The following MEMO1 variants were observed in gnomAD, a reference collection of about 807,000 sequenced individuals.
The protein encoded by MEMO1 is protein MEMO1.
Under a neutral mutation model 45.2 loss-of-function variants are expected in MEMO1, and 6 were observed. The ratio of observed to expected loss-of-function variants is 0.13; its 90% CI spans 0.07 to 0.26. The LOEUF is 0.26. Ranked by LOEUF, MEMO1 falls within the 10% of genes least tolerant of loss-of-function variation. MEMO1 has a pLI of 1.00. For missense variants in MEMO1, 184 were observed against 370.5 expected (o/e 0.50, Z 4.13); for synonymous variants, 78 against 124.3 (o/e 0.63, Z 2.48).
chr2:31,941,222 G>A (rs921388779), intron 3 of MEMO1, among the ~76,000 whole-genome samples: 1 of 152,044 alleles, frequency 6.6e-6, no homozygotes, highest in African/African-American at 2.4e-5. Context: ...AGCTGCACTG[G>A]CCTCCTTGCT....
chr2:32,006,831 G>T (rs546046738), intron 2 of MEMO1, among the ~76,000 whole-genome samples: 1 of 152,164 alleles, frequency 6.6e-6, no homozygotes, highest in East Asian at 1.9e-4. Context: ...CAGGCATGGT[G>T]GCGGGGGCCT....
At chr2:31,977,147 C>A (rs1304683102) in intron 2 of MEMO1, among the ~76,000 whole-genome samples, 1 of 151,962 alleles carries the variant, frequency 6.6e-6, no homozygotes, top group Non-Finnish European at 1.5e-5. Context: ...CAGAAAGAAG[C>A]CATGAACAAA....
At chr2:31,996,889 C>A (rs766301212) in intron 2 of MEMO1, among the ~76,000 whole-genome samples, 3 of 152,092 alleles carry the variant, frequency 2.0e-5, no homozygotes, top group Non-Finnish European at 4.4e-5. Flanking sequence ...AACTACTATG[C>A]CCAGCAGAGA....
rs1273367737 is a variant in MEMO1 at position 31,969,586 on chromosome 2, G to GGTGGGTGTGT, written c.62-26204_62-26203insACACACCCAC. On this transcript the variant is annotated intron_variant, in intron 2 of 9. Coordinates refer to ENST00000404530, the MANE Select transcript of MEMO1 (RefSeq NM_001301833.4). Reference sequence around the variant, plus strand: ...AATCTTTTCTGGGGGTGTGTGTGTGGGTGTGTGTGTGTGTGTGTGTGTGTG... The same window carrying GGTGGGTGTGT: ...AATCTTTTCTGGGGGTGTGTGTGTGGGTGGGTGTGTGTGTGTGTGTGTGTGTGTGTGTGTG... Among the ~76,000 whole-genome samples, 11 of 119,264 alleles carry GGTGGGTGTGT rather than the reference G, an allele frequency of 9.2e-5. No homozygotes were observed. In the East Asian group the frequency reaches 2.2e-3, roughly 24 times the overall value. 78.2% of individuals were successfully genotyped at this position (119,264 alleles called of 152,430 possible).
intron 7 of MEMO1, among the ~76,000 whole-genome samples, chr2:31,891,408 T>C (rs896893556): frequency 2.6e-5 from 4 of 152,076 alleles, no homozygotes; most frequent in Non-Finnish European, 4.4e-5. Flanking sequence ...TCCTTGCTCT[T>C]ACAATAATCA....
At chr2:31,915,408 T>C (rs1226693343) in intron 6 of MEMO1, among the ~76,000 whole-genome samples, 1 of 152,052 alleles carries the variant, frequency 6.6e-6, no homozygotes, top group Non-Finnish European at 1.5e-5. Context: ...AGAGGAGCAA[T>C]ATATTGCTTT....
At chr2:31,951,523 T>TC (rs1219962368) in intron 2 of MEMO1, among the ~76,000 whole-genome samples, 1 of 151,888 alleles carries the variant, frequency 6.6e-6, no homozygotes, top group Admixed American at 6.6e-5. Flanking sequence ...AATGGTTTTT[T>TC]TTTTTTTTTA....
intron 6 of MEMO1, among the ~76,000 whole-genome samples, chr2:31,904,075 G>T (rs1558490923): frequency 1.3e-5 from 2 of 152,224 alleles, no homozygotes; most frequent in Non-Finnish European, 2.9e-5. Flanking sequence ...GCATTTCAGA[G>T]AGTCAAAAAT....
chr2:31,902,573 G>GA lies in MEMO1; in HGVS notation c.438-10440dup, dbSNP rs1274871070. Reference sequence around the variant, plus strand: ...TCAATTTTGCCATCTGAAAAAAACAGAAAAAACAGTTAATAATACCTCACC... The same window carrying GA: ...TCAATTTTGCCATCTGAAAAAAACAGAAAAAAACAGTTAATAATACCTCACC... On this transcript the variant is annotated intron_variant, in intron 6 of 9. Transcript: ENST00000404530. Among the ~76,000 whole-genome samples the GA allele has an allele frequency of 2.6e-5, 4 of 152,038 alleles. No individual in the cohort carries two copies. The East Asian group carries it at 7.7e-4, about 29-fold the overall frequency.
At chr2:31,947,310 G>T (rs1269858695) in intron 2 of MEMO1, among the ~76,000 whole-genome samples, 1 of 152,134 alleles carries the variant, frequency 6.6e-6, no homozygotes, top group Non-Finnish European at 1.5e-5. Flanking sequence ...GGACGCTAAG[G>T]TAAGAGCCAA....
At chr2:31,988,604 G>A (rs1397770044) in intron 2 of MEMO1, among the ~76,000 whole-genome samples, 1 of 152,278 alleles carries the variant, frequency 6.6e-6, no homozygotes, top group Non-Finnish European at 1.5e-5. Context: ...TGTCTCATTA[G>A]CAGTAGCACC....
intron 6 of MEMO1, among the ~76,000 whole-genome samples, chr2:31,899,849 C>T (rs1294203283): frequency 6.6e-6 from 1 of 152,004 alleles, no homozygotes; most frequent in African/African-American, 2.4e-5. Flanking sequence ...AAAAAACAAC[C>T]CCATCAAAAA....
intron 4 of MEMO1, among the ~76,000 whole-genome samples, chr2:31,923,996 C>G (rs76433774): frequency 3.3e-5 from 5 of 152,114 alleles, no homozygotes; most frequent in African/African-American, 1.2e-4. Flanking sequence ...ATTCTGTACT[C>G]TACAGATTCT....
At chr2:31,986,209 AC>A (rs762347283) in intron 2 of MEMO1, among the ~76,000 whole-genome samples, 16 of 152,164 alleles carry the variant, frequency 1.1e-4, no homozygotes, top group Non-Finnish European at 2.2e-4. Context: ...CCTGGCTAAC[AC>A]GGTGAAACCC....
rs187553727 is a variant in MEMO1, at chr2:31,959,327, C to A, written c.62-15944G>T. ...ATAGAAATGTTAGAAAAAGTGAGTC[C>A]TGAGATACAGGTACTTGGGCAGAGA... On this transcript the variant is annotated intron_variant, in intron 2 of 9. Transcript: ENST00000404530. Among the ~76,000 whole-genome samples the A allele has an allele frequency of 2.8e-4, 42 of 152,032 alleles. 2 individuals are homozygous for A. In the East Asian group the frequency reaches 7.5e-3, roughly 27 times the overall value.
chr2:31,930,647 TATATATA>T (rs1346775277), intron 4 of MEMO1, among the ~76,000 whole-genome samples: 1 of 151,704 alleles, frequency 6.6e-6, no homozygotes, highest in African/African-American at 2.4e-5. Context: ...GCTTATAAAA[TATATATA>T]TATTTTTTTT....
Position 31,943,200 on chromosome 2 carries a change from G to A in MEMO1, c.143+102C>T, listed in dbSNP as rs534188772. 220 of 846,970 alleles carry A rather than the reference G, an allele frequency of 2.6e-4. No individual in the cohort carries two copies. The African/African-American group carries it at 3.1e-3, about 12-fold the overall frequency. The allele number at this position is 846,970 out of a possible 1,614,324, so 52.5% of individuals were successfully genotyped here. ...GAGTCGCTTGAACCTGGGAGGCGGA[G>A]GTTGCAGTGAGCCGAGACCATGCCA... On this transcript the variant is annotated intron_variant, in intron 3 of 9. Transcript: ENST00000404530.
intron 2 of MEMO1, among the ~76,000 whole-genome samples, chr2:31,998,406 C>T (rs563690763): frequency 1.3e-5 from 2 of 152,302 alleles, no homozygotes; most frequent in East Asian, 1.9e-4. Flanking sequence ...CCTCATCCCC[C>T]CAACCTCTTC....
intron 2 of MEMO1, among the ~76,000 whole-genome samples, chr2:31,984,271 G>A (rs2148514397): frequency 6.6e-6 from 1 of 152,120 alleles, no homozygotes; most frequent in Middle Eastern, 3.4e-3. Flanking sequence ...ATATGATGAG[G>A]TCATTATACC....
Sources: gnomAD v4.1 joint callset for allele counts (sites outside exome capture counted in the v4.1 genomes callset) on GRCh38, gnomAD v4.1.1 for gene constraint, MANE v1.5 for transcripts, NCBI Gene and HGNC (gene_info 2026-07-23, HGNC 2026-07-21) for gene names.